The following SGK3 variants were observed in gnomAD, a reference collection of about 807,000 sequenced individuals.
SGK3 encodes the protein serum/glucocorticoid regulated kinase family member 3.
SGK3 carries 47 observed loss-of-function variants against 68.5 expected under a neutral mutation model. The observed-to-expected ratio is 0.69, with a 90% confidence interval of 0.54 to 0.87. The LOEUF is 0.87. Ranked by LOEUF, SGK3 falls within the 40% of genes least tolerant of loss-of-function variation. The pLI, the probability that SGK3 is intolerant of heterozygous loss-of-function variation, is 0.00. For missense variants in SGK3, 479 were observed against 575.5 expected (o/e 0.83, Z 1.72); for synonymous variants, 181 against 189.1 (o/e 0.96, Z 0.35).
At chr8:66,792,309 A>AC (rs1470321779) in intron 1 of SGK3, among the ~76,000 whole-genome samples, 3 of 150,272 alleles carry the variant, frequency 2.0e-5, no homozygotes, top group Admixed American at 6.6e-5. Flanking sequence ...AGCCTGGGTG[A>AC]CAAGAGCAAA....
At chr8:66,741,559 T>A (rs1457545844) in intron 1 of SGK3, among the ~76,000 whole-genome samples, 2 of 151,664 alleles carry the variant, frequency 1.3e-5, no homozygotes, top group Admixed American at 6.6e-5. Flanking sequence ...CAAAAAATAA[T>A]AATAATAATA....
At chr8:66,836,302 C>G (rs577675734) in intron 10 of SGK3, among the ~76,000 whole-genome samples, 48 of 152,264 alleles carry the variant, frequency 3.2e-4, no homozygotes, top group African/African-American at 1.1e-3. Context: ...AAGCTGCTGG[C>G]TTCATGGACA....
In SGK3 at chr8:66,795,360, A is replaced by C. The variant is rs970076140; in HGVS notation, c.96+1528A>C. Among the ~76,000 whole-genome samples, 8 of 152,208 alleles carry C rather than the reference A, an allele frequency of 5.3e-5. No homozygotes were observed. In the South Asian group the frequency reaches 1.7e-3, roughly 31 times the overall value. On this transcript the variant is annotated intron_variant, in intron 2 of 16. Coordinates refer to ENST00000521198, the MANE Select transcript of SGK3 (RefSeq NM_001033578.3). ...CCCTTCTCAGCCTCTATATTGCAGG[A>C]ATATCTTCAACAGTAGGCATTTGTT...
intron 1 of SGK3, among the ~76,000 whole-genome samples, chr8:66,714,474 C>T (rs1804577221): frequency 6.6e-6 from 1 of 152,214 alleles, no homozygotes; most frequent in South Asian, 2.1e-4. Context: ...ATCAGACTAG[C>T]TTTCTGACTC....
At chr8:66,858,702 G>A (rs1810625357) in intron 16 of SGK3, among the ~76,000 whole-genome samples, 1 of 152,130 alleles carries the variant, frequency 6.6e-6, no homozygotes, top group South Asian at 2.1e-4. Flanking sequence ...CAGTCTGTGG[G>A]CTACATGAGG....
intron 1 of SGK3, among the ~76,000 whole-genome samples, chr8:66,731,823 C>T (rs1271969643): frequency 3.9e-5 from 6 of 152,142 alleles, no homozygotes; most frequent in South Asian, 2.1e-4. Flanking sequence ...CGTGAGCCAC[C>T]GCACCCGGCC....
chr8:66,780,486 A>G (rs185330399), intron 1 of SGK3, among the ~76,000 whole-genome samples: 2 of 152,338 alleles, frequency 1.3e-5, no homozygotes, highest in East Asian at 3.9e-4. Flanking sequence ...GGGAGGGAGC[A>G]CATTAAGGTG....
At chr8:66,713,095 G>A (rs116404972) in intron 1 of SGK3, among the ~76,000 whole-genome samples, 6 of 152,340 alleles carry the variant, frequency 3.9e-5, no homozygotes, top group Admixed American at 6.5e-5. Context: ...CGCAGCCGCC[G>A]AGCCTGGAGG....
At chr8:66,858,887 TTGGACACC>T (rs1378381037) in intron 16 of SGK3, among the ~76,000 whole-genome samples, 3 of 152,120 alleles carry the variant, frequency 2.0e-5, no homozygotes, top group African/African-American at 7.2e-5. Flanking sequence ...GACCAAAAGA[TTGGACACC>T]CCTGTTTTAG....
intron 16 of SGK3, among the ~76,000 whole-genome samples, chr8:66,857,612 A>C (rs962675612): frequency 6.6e-6 from 1 of 151,664 alleles, no homozygotes; most frequent in African/African-American, 2.4e-5. Context: ...TGAGAACTTG[A>C]CTCTACTAAA....
chr8:66,843,729 C>T (rs915857502), intron 14 of SGK3, among the ~76,000 whole-genome samples, 182 bp downstream of exon 14: 1 of 152,306 alleles, frequency 6.6e-6, no homozygotes, highest in East Asian at 1.9e-4. Flanking sequence ...CATGGTGGCT[C>T]ACGCCAGTAA....
At chr8:66,785,215 A>G (rs905321462) in intron 1 of SGK3, among the ~76,000 whole-genome samples, 2 of 152,216 alleles carry the variant, frequency 1.3e-5, no homozygotes, top group African/African-American at 4.8e-5. Flanking sequence ...TTAGAAAAGG[A>G]TGCATGTAAC....
At chr8:66,821,535 CAG>C (rs1457881439) in intron 5 of SGK3, among the ~76,000 whole-genome samples, 1 of 150,864 alleles carries the variant, frequency 6.6e-6, no homozygotes, top group Non-Finnish European at 1.5e-5. Flanking sequence ...TTTTTTGAGA[CAG>C]AGTCTCGCTC....
At chr8:66,737,617 CT>C (rs552425622) in intron 1 of SGK3, 2,873 of 135,812 alleles carry the variant, frequency 0.021, 60 homozygotes, top group African/African-American at 0.064. Flanking sequence ...ACCCCTTTAT[CT>C]TTTTTTTTTT....
rs577065255 is a variant in SGK3 at position 66,723,495 on chromosome 8, G to A, written c.-122+10662G>A. On this transcript the variant is annotated intron_variant, in intron 1 of 16. Transcript: ENST00000521198. Reference sequence around the variant, plus strand: ...GTCTTCCTCTGTCACGTAAGCTGGAGTGCAGTGGTGCAATCTTAACACACT... The same window carrying A: ...GTCTTCCTCTGTCACGTAAGCTGGAATGCAGTGGTGCAATCTTAACACACT... 7.4e-4 allele frequency among the ~76,000 whole-genome samples: 112 copies of A among 152,146 alleles called. 1 individual carries two copies. Among genetic ancestry groups the A allele is most frequent in the African/African-American group, 2.6e-3 (110 of 41,526 alleles).
intron 1 of SGK3, among the ~76,000 whole-genome samples, chr8:66,713,359 A>C (rs1437355545): frequency 6.6e-6 from 1 of 152,242 alleles, no homozygotes; most frequent in African/African-American, 2.4e-5. Flanking sequence ...ACCCACAAGA[A>C]GTGCTTTGAG....
At chr8:66,832,193 C>T (rs561038478) in intron 8 of SGK3, among the ~76,000 whole-genome samples, 3 of 152,238 alleles carry the variant, frequency 2.0e-5, no homozygotes, top group African/African-American at 7.2e-5. Context: ...TCAGATGAAT[C>T]ATGTAACTTG....
At chr8:66,730,169 A>T (rs930891704) in intron 1 of SGK3, among the ~76,000 whole-genome samples, 38 of 152,154 alleles carry the variant, frequency 2.5e-4, no homozygotes, top group African/African-American at 8.7e-4. Context: ...ATGTAAAATG[A>T]TATTTCATTG....
intron 1 of SGK3, among the ~76,000 whole-genome samples, chr8:66,781,241 C>T (rs1191728857): frequency 6.6e-6 from 1 of 152,186 alleles, no homozygotes; most frequent in African/African-American, 2.4e-5. Context: ...GCTAGGACAG[C>T]CTTGCTGCCA....
Sources: allele counts gnomAD v4.1 joint callset (sites outside exome capture counted in the v4.1 genomes callset), GRCh38; gene constraint gnomAD v4.1.1; transcripts MANE v1.5; gene names NCBI Gene and HGNC (gene_info 2026-07-23, HGNC 2026-07-21).